LRP1B: variants seen among roughly 807,000 people sequenced by gnomAD.
The protein encoded by LRP1B is LDL receptor related protein 1B.
A neutral mutation model predicts 556.6 loss-of-function variants in LRP1B; 217 were observed. That is an observed-to-expected ratio of 0.39 (90% CI 0.35 to 0.44). The LOEUF is 0.44. Ranked by LOEUF, LRP1B falls within the 20% of genes least tolerant of loss-of-function variation. LRP1B has a pLI of 1.00. For missense variants in LRP1B, 5,053 were observed against 5,620.8 expected (o/e 0.90, Z 3.23); for synonymous variants, 2,047 against 1,865.8 (o/e 1.10, Z -2.50).
chr2:140,342,707 A>G, intron 77 of LRP1B, among the ~76,000 whole-genome samples: 1 of 151,618 alleles, frequency 6.6e-6, no homozygotes, highest in East Asian at 1.9e-4. Context: ...GAACAATAGA[A>G]ATCCCTACTC....
chr2:140,661,512 A>G (rs1188687784), intron 41 of LRP1B, among the ~76,000 whole-genome samples: 1 of 151,734 alleles, frequency 6.6e-6, no homozygotes, highest in Non-Finnish European at 1.5e-5. Flanking sequence ...ATTAAAAAAA[A>G]AAAAAAAAAC....
chr2:141,846,120 T>C (rs1285634161), intron 1 of LRP1B, among the ~76,000 whole-genome samples: 1 of 151,168 alleles, frequency 6.6e-6, no homozygotes, highest in Non-Finnish European at 1.5e-5. Flanking sequence ...CAGAAATAAT[T>C]AACAAAACCA....
intron 2 of LRP1B, among the ~76,000 whole-genome samples, chr2:141,804,816 T>A (rs1408451509): frequency 6.6e-6 from 1 of 152,046 alleles, no homozygotes; most frequent in East Asian, 1.9e-4. Context: ...ACAGATGGGA[T>A]AATGAAGGCA....
chr2:140,546,618 C>A (rs1404679866), intron 43 of LRP1B, among the ~76,000 whole-genome samples: 1 of 152,028 alleles, frequency 6.6e-6, no homozygotes, highest in Non-Finnish European at 1.5e-5. Context: ...TGGAGGTAAC[C>A]ATCCTCATGA....
At chr2:141,066,030 C>T (rs184634368) in intron 7 of LRP1B, among the ~76,000 whole-genome samples, 7 of 152,074 alleles carry the variant, frequency 4.6e-5, no homozygotes, top group African/African-American at 1.7e-4. Flanking sequence ...AGGGGCATTG[C>T]TGTTCTCTTG....
At chr2:141,598,240 A>T (rs1394506967) in intron 2 of LRP1B, among the ~76,000 whole-genome samples, 2 of 152,130 alleles carry the variant, frequency 1.3e-5, no homozygotes, top group Non-Finnish European at 2.9e-5. Flanking sequence ...CAGTGTCCTT[A>T]GTAGCACTGT....
intron 7 of LRP1B, among the ~76,000 whole-genome samples, chr2:141,121,222 T>C (rs572223481): frequency 6.6e-6 from 1 of 152,192 alleles, no homozygotes; most frequent in Admixed American, 6.6e-5. Flanking sequence ...CATGTGAGTG[T>C]TAAACTCCGC....
In LRP1B at chr2:140,346,989, A is replaced by T. The variant is rs370862931; in HGVS notation, c.11892+3808T>A. Among the ~76,000 whole-genome samples the T allele has an allele frequency of 3.3e-5, 5 of 151,982 alleles. No homozygotes were observed. In the East Asian group the frequency reaches 9.7e-4, roughly 29 times the overall value. ...TTTACTTTTCAAAGTCAAGTAGATC[A>T]GATAAATCTGAGCATTTGTTTTGCT... On this transcript the variant is annotated intron_variant, in intron 77 of 90. Transcript: ENST00000389484.
rs529328326 is a variant in LRP1B at position 140,780,089 on chromosome 2, T to C, written c.5360-3851A>G. ...GAAAAAAAGAAATGAAAAAAGAAAG[T>C]AAGGGAGGGAGGAAGGGAAGAAAAT... On this transcript the variant is annotated intron_variant, in intron 32 of 90. Coordinates refer to ENST00000389484, the MANE Select transcript of LRP1B (RefSeq NM_018557.3). Among the ~76,000 whole-genome samples, 11 of 150,418 alleles carry C rather than the reference T, an allele frequency of 7.3e-5. No individual in the cohort carries two copies. The South Asian group carries it at 2.3e-3, about 32-fold the overall frequency.
chr2:140,260,949 A>G (rs560677951), intron 86 of LRP1B, among the ~76,000 whole-genome samples: 11 of 151,870 alleles, frequency 7.2e-5, no homozygotes, highest in Admixed American at 2.0e-4. Flanking sequence ...GTTCACTGAT[A>G]TGGCCTCTAG....
intron 6 of LRP1B, among the ~76,000 whole-genome samples, chr2:141,206,048 G>A (rs1682262510): frequency 6.6e-6 from 1 of 152,002 alleles, no homozygotes; most frequent in Admixed American, 6.6e-5. Flanking sequence ...AAGTGAATTG[G>A]TGATGCCAAG....
At chr2:141,457,544 T>C (rs1681680023) in intron 3 of LRP1B, among the ~76,000 whole-genome samples, 1 of 152,180 alleles carries the variant, frequency 6.6e-6, no homozygotes, top group South Asian at 2.1e-4. Flanking sequence ...GGCACATGTT[T>C]ACCTATGTAA....
At chr2:140,638,325 C>T (rs888713458) in intron 41 of LRP1B, among the ~76,000 whole-genome samples, 2 of 152,096 alleles carry the variant, frequency 1.3e-5, no homozygotes, top group African/African-American at 2.4e-5. Flanking sequence ...ATCACTTAAT[C>T]GTCACAAGTA....
At chr2:141,289,429 C>T (rs1685858256) in intron 3 of LRP1B, among the ~76,000 whole-genome samples, 1 of 146,386 alleles carries the variant, frequency 6.8e-6, no homozygotes, top group South Asian at 2.2e-4. Flanking sequence ...CATAAAAAGG[C>T]ATCTGGGTAT....
chr2:140,531,282 G>T (rs1307999182), intron 47 of LRP1B, among the ~76,000 whole-genome samples: 1 of 151,946 alleles, frequency 6.6e-6, no homozygotes, highest in Non-Finnish European at 1.5e-5. Context: ...TTCCTCTCCT[G>T]CTTACAAATA....
intron 27 of LRP1B, among the ~76,000 whole-genome samples, chr2:140,855,224 A>G (rs1692578002): frequency 6.6e-6 from 1 of 151,574 alleles, no homozygotes; most frequent in Non-Finnish European, 1.5e-5. Flanking sequence ...CTTCAATTCT[A>G]TGGTCACTGG....
chr2:142,058,846 T>C (rs1704785288), intron 1 of LRP1B, among the ~76,000 whole-genome samples: 1 of 152,082 alleles, frequency 6.6e-6, no homozygotes, highest in African/African-American at 2.4e-5. Flanking sequence ...AGTAAGAATA[T>C]CAATCCTCTA....
intron 6 of LRP1B, among the ~76,000 whole-genome samples, chr2:141,206,770 C>A (rs939872634): frequency 2.0e-5 from 3 of 152,034 alleles, no homozygotes; most frequent in African/African-American, 7.2e-5. Flanking sequence ...AATCAAAGTG[C>A]ATTCAGAAAT....
chr2:141,616,412 C>T (rs72978036), intron 2 of LRP1B, among the ~76,000 whole-genome samples: 1 of 152,056 alleles, frequency 6.6e-6, no homozygotes, highest in Admixed American at 6.5e-5. Context: ...TCCTCAGTAA[C>T]TTTCATACGT....
Sources: allele counts gnomAD v4.1 joint callset (sites outside exome capture counted in the v4.1 genomes callset), GRCh38; gene constraint gnomAD v4.1.1; transcripts MANE v1.5; gene names NCBI Gene and HGNC (gene_info 2026-07-23, HGNC 2026-07-21).